PRKCB: variants seen among roughly 807,000 people sequenced by gnomAD.
PRKCB encodes the protein protein kinase C beta, also known as protein kinase C beta type.
PRKCB carries 13 observed loss-of-function variants against 81.5 expected under a neutral mutation model. The ratio of observed to expected loss-of-function variants is 0.16; its 90% CI spans 0.10 to 0.25. The LOEUF (loss-of-function observed/expected upper bound fraction) is 0.25. Among genes scored for constraint, PRKCB ranks in the 10% least tolerant of loss-of-function variants. The probability of loss-of-function intolerance (pLI) is 1.00; values close to 1 mark genes in which losing one functional copy is unlikely to be tolerated. For synonymous variants in PRKCB, 335 were observed against 321.4 expected (o/e 1.04, Z -0.45); for missense variants, 509 against 875.7 (o/e 0.58, Z 5.29).
At chr16:24,045,727 C>A (rs1485521758) in intron 5 of PRKCB, among the ~76,000 whole-genome samples, 3 of 152,238 alleles carry the variant, frequency 2.0e-5, no homozygotes, top group Non-Finnish European at 2.9e-5. Context: ...ATCTCAGCTT[C>A]CCCTCCAGGC....
At chr16:23,927,947 C>T (rs1307938464) in intron 2 of PRKCB, among the ~76,000 whole-genome samples, 1 of 151,588 alleles carries the variant, frequency 6.6e-6, no homozygotes, top group Non-Finnish European at 1.5e-5. Flanking sequence ...AGATCTGAGC[C>T]TTAGCTGCAC....
At chr16:24,167,661 C>G (rs1967369053) in intron 10 of PRKCB, among the ~76,000 whole-genome samples, 1 of 152,178 alleles carries the variant, frequency 6.6e-6, no homozygotes, top group Non-Finnish European at 1.5e-5. Flanking sequence ...TCTCTCCCAT[C>G]CTGGACTGGA....
In PRKCB at chr16:24,044,965, TGGAAGGATACCA is replaced by T. The variant is rs1466822427; in HGVS notation, c.529+9419_529+9430del. Among the ~76,000 whole-genome samples, 4 of 152,280 alleles carry T rather than the reference TGGAAGGATACCA, an allele frequency of 2.6e-5. No individual in the cohort carries two copies. The East Asian group carries it at 7.7e-4, about 29-fold the overall frequency. On this transcript the variant is annotated intron_variant, in intron 5 of 16. Transcript: ENST00000643927. Reference sequence around the variant, plus strand: ...TATAACCTGTGTGTGAAGAAAGGTGTGGAAGGATACCAACCAGGTTGTAAACACTGGGATCGC... The same window carrying T: ...TATAACCTGTGTGTGAAGAAAGGTGTACCAGGTTGTAAACACTGGGATCGC...
Position 23,836,301 on chromosome 16 carries a change from C to T in PRKCB, c.126C>T (p.Arg42=). 1 of 1,605,342 alleles carries T rather than the reference C, an allele frequency of 6.2e-7. No individual in the cohort carries two copies. Among genetic ancestry groups the T allele is most frequent in the Non-Finnish European group, 8.5e-7 (1 of 1,176,238 alleles). The change falls in exon 1 of 17, where the codon CGC becomes CGT. Residue 42 remains arginine (R), a synonymous_variant. Coordinates refer to ENST00000643927, the MANE Select transcript of PRKCB (RefSeq NM_002738.7). ...TCAAGAACCACAAATTCACCGCCCG[C>T]TTCTTCAAGCAGCCCACCTTCTGCA... The part of the protein sequence containing the change: ...HEVKNHKFTA[R]FFKQPTFCSH...
chr16:23,944,413 GA>G (rs1964178262), intron 2 of PRKCB, among the ~76,000 whole-genome samples: 1 of 152,008 alleles, frequency 6.6e-6, no homozygotes, highest in Non-Finnish European at 1.5e-5. Flanking sequence ...TAAATCTTTA[GA>G]TTTTTTTTTA....
At chr16:23,997,140 C>T (rs1447941054) in intron 3 of PRKCB, among the ~76,000 whole-genome samples, 1 of 152,178 alleles carries the variant, frequency 6.6e-6, no homozygotes, top group African/African-American at 2.4e-5. Context: ...CACTGCCACC[C>T]AGCCACTTTG....
At chr16:24,042,024 T>A (rs189311662) in intron 5 of PRKCB, among the ~76,000 whole-genome samples, 3 of 150,590 alleles carry the variant, frequency 2.0e-5, no homozygotes, top group African/African-American at 7.3e-5. Context: ...AAAAGGGCAA[T>A]GTAAACAAGA....
chr16:23,942,924 TTA>T (rs1483886049), intron 2 of PRKCB, among the ~76,000 whole-genome samples: 2 of 152,178 alleles, frequency 1.3e-5, no homozygotes, highest in Non-Finnish European at 2.9e-5. Context: ...GACAAATGAA[TTA>T]TTCACGATTA....
chr16:24,004,314 T>C (rs958641507), intron 3 of PRKCB, among the ~76,000 whole-genome samples: 1 of 152,002 alleles, frequency 6.6e-6, no homozygotes, highest in African/African-American at 2.4e-5. Flanking sequence ...GACAAAAGTG[T>C]ATCATGAAAA....
chr16:23,985,113 A>G (rs1195215651), intron 2 of PRKCB, among the ~76,000 whole-genome samples: 1 of 152,064 alleles, frequency 6.6e-6, no homozygotes, highest in Non-Finnish European at 1.5e-5. Context: ...GTGTTTTGAG[A>G]TGGAGTCTCG....
At chr16:23,885,649 T>C (rs1963187390) in intron 2 of PRKCB, among the ~76,000 whole-genome samples, 1 of 152,186 alleles carries the variant, frequency 6.6e-6, no homozygotes, top group Admixed American at 6.5e-5. Flanking sequence ...TTTCTGGCAT[T>C]CTCTTCTGAT....
intron 4 of PRKCB, among the ~76,000 whole-genome samples, chr16:24,033,129 C>T (rs563578705): frequency 6.6e-6 from 1 of 152,246 alleles, no homozygotes; most frequent in East Asian, 1.9e-4. Flanking sequence ...CACAAAGCTA[C>T]AGGGACACTG....
At chr16:23,915,607 G>T (rs1397632268) in intron 2 of PRKCB, among the ~76,000 whole-genome samples, 1 of 142,014 alleles carries the variant, frequency 7.0e-6, no homozygotes, top group African/African-American at 2.6e-5. Context: ...TAGGATGATT[G>T]CATGAGCCCA....
At chr16:23,900,722 T>G (rs76034518) in intron 2 of PRKCB, among the ~76,000 whole-genome samples, 4 of 45,462 alleles carry the variant, frequency 8.8e-5, no homozygotes, top group East Asian at 5.4e-4. Flanking sequence ...GCACAGGTTT[T>G]TTTTTTTTTT....
At chr16:24,098,246 A>T (rs1291982785) in intron 7 of PRKCB, 1 of 152,250 alleles carries the variant, frequency 6.6e-6, no homozygotes, top group Non-Finnish European at 1.5e-5. Context: ...AATGGGCATT[A>T]ATGGGCATTG....
intron 9 of PRKCB, among the ~76,000 whole-genome samples, chr16:24,136,041 C>A (rs539659590): frequency 1.1e-4 from 17 of 152,138 alleles, no homozygotes; most frequent in African/African-American, 3.9e-4. Flanking sequence ...CACTTCCCTG[C>A]CCCCACCAAG....
intron 10 of PRKCB, among the ~76,000 whole-genome samples, chr16:24,155,959 T>G (rs1967149785): frequency 6.6e-6 from 1 of 152,180 alleles, no homozygotes; most frequent in African/African-American, 2.4e-5. Context: ...AGACCATAGA[T>G]GGTGACCTGT....
At chr16:23,836,380 G>T (rs758165573) in intron 1 of PRKCB, 32 bp downstream of exon 1, 4 of 1,589,852 alleles carry the variant, frequency 2.5e-6, no homozygotes, top group Non-Finnish European at 3.4e-6. Flanking sequence ...ACCTTCCCGG[G>T]CCCCCGAGGG....
chr16:24,029,346 G>A (rs1314372613), intron 3 of PRKCB, among the ~76,000 whole-genome samples: 1 of 152,198 alleles, frequency 6.6e-6, no homozygotes, highest in Non-Finnish European at 1.5e-5. Flanking sequence ...CCCCCATGCT[G>A]TTCTCATGAT....
Sources: gnomAD v4.1 joint callset for allele counts (sites outside exome capture counted in the v4.1 genomes callset) on GRCh38, gnomAD v4.1.1 for gene constraint, MANE v1.5 for transcripts, NCBI Gene and HGNC (gene_info 2026-07-23, HGNC 2026-07-21) for gene names.